The following ALMS1 variants were observed in gnomAD, a reference collection of about 807,000 sequenced individuals.
The protein encoded by ALMS1 is ALMS1 centrosome and basal body associated protein.
In ALMS1, 271 loss-of-function variants were observed where a neutral mutation model predicts 352.2. The ratio of observed to expected loss-of-function variants is 0.77; its 90% CI spans 0.70 to 0.85. The LOEUF is 0.85. Among genes scored for constraint, ALMS1 ranks in the 40% least tolerant of loss-of-function variants. ALMS1 has a pLI of 0.00. For missense variants in ALMS1, 5,445 were observed against 4,870.7 expected (o/e 1.12, Z -3.51); for synonymous variants, 1,865 against 1,761.2 (o/e 1.06, Z -1.48).
At chr2:73,505,708 A>T (rs1673307099) in intron 10 of ALMS1, among the ~76,000 whole-genome samples, 1 of 151,862 alleles carries the variant, frequency 6.6e-6, no homozygotes, top group Admixed American at 6.6e-5. Context: ...TTTCAGATGG[A>T]TAGACTGCAA....
At chr2:73,411,346 C>G (rs2103682517) in intron 2 of ALMS1, among the ~76,000 whole-genome samples, 1 of 152,156 alleles carries the variant, frequency 6.6e-6, no homozygotes, top group African/African-American at 2.4e-5. Context: ...GGAGCATGAC[C>G]CTGCCAACAC....
At chr2:73,550,886 G>T (rs556104381) in intron 13 of ALMS1, among the ~76,000 whole-genome samples, 111 of 151,942 alleles carry the variant, frequency 7.3e-4, no homozygotes, top group African/African-American at 2.5e-3. Flanking sequence ...CTGTCACCCA[G>T]GCTGGAGTGC....
At chr2:73,589,546 G>T (rs1245363600) in intron 16 of ALMS1, among the ~76,000 whole-genome samples, 3 of 152,110 alleles carry the variant, frequency 2.0e-5, no homozygotes, top group Non-Finnish European at 4.4e-5. Context: ...CAGGTTACAT[G>T]AGTTCTTACA....
intron 1 of ALMS1, among the ~76,000 whole-genome samples, chr2:73,406,436 G>GTTT (rs555343293): frequency 6.6e-5 from 8 of 122,050 alleles, no homozygotes; most frequent in African/African-American, 1.5e-4. Context: ...AATCCTATGG[G>GTTT]TTTTTTTTTT....
At chr2:73,389,387 G>T (rs938816095) in intron 1 of ALMS1, among the ~76,000 whole-genome samples, 2 of 152,048 alleles carry the variant, frequency 1.3e-5, no homozygotes, top group Non-Finnish European at 2.9e-5. Context: ...CCATCCTGTA[G>T]GTTGTCTGTT....
intron 16 of ALMS1, among the ~76,000 whole-genome samples, chr2:73,590,111 G>A (rs7603647): frequency 0.31 from 46,840 of 150,878 alleles, 9,065 homozygotes; most frequent in African/African-American, 0.55. Flanking sequence ...TTTAATTTCC[G>A]TGGGAAGAGA....
chr2:73,550,154 C>G, intron 12 of ALMS1, 113 bp from the exon 13 acceptor site: 1 of 1,123,570 alleles, frequency 8.9e-7, no homozygotes, highest in Non-Finnish European at 1.3e-6. Context: ...GCCATCGTGC[C>G]TGGCCTGTAG....
At chr2:73,417,465 T>C (rs1671200608) in intron 2 of ALMS1, among the ~76,000 whole-genome samples, 1 of 152,210 alleles carries the variant, frequency 6.6e-6, no homozygotes, top group East Asian at 1.9e-4. Flanking sequence ...TACTGATTAA[T>C]CTTAGTTGTG....
intron 10 of ALMS1, among the ~76,000 whole-genome samples, chr2:73,517,399 G>A (rs1199104020): frequency 4.0e-5 from 6 of 150,972 alleles, no homozygotes; most frequent in Non-Finnish European, 7.4e-5. Flanking sequence ...GACTATAGGC[G>A]CATGCCACTG....
intron 10 of ALMS1, among the ~76,000 whole-genome samples, chr2:73,514,684 C>T (rs527272649): frequency 1.3e-5 from 2 of 152,094 alleles, no homozygotes; most frequent in Non-Finnish European, 2.9e-5. Context: ...TCTAGCAGTT[C>T]TGTACTATGT....
intron 2 of ALMS1, among the ~76,000 whole-genome samples, chr2:73,410,531 T>C (rs535608522): frequency 1.6e-4 from 25 of 152,316 alleles, no homozygotes; most frequent in African/African-American, 5.8e-4. Context: ...TTACCTATCA[T>C]AGCTGGATTC....
At chr2:73,602,568 C>T (rs917333110) in intron 20 of ALMS1, among the ~76,000 whole-genome samples, 200 bp downstream of exon 20, 1 of 152,192 alleles carries the variant, frequency 6.6e-6, no homozygotes, top group African/African-American at 2.4e-5. Context: ...CAAGTAAGCC[C>T]AGTTACTCTA....
rs543597396 is a variant in ALMS1, at chr2:73,449,670, G to T, written c.3143G>T (p.Ser1048Ile). 47 of 1,613,924 alleles carry T rather than the reference G, an allele frequency of 2.9e-5. 2 individuals carry two copies. In the South Asian group the frequency reaches 4.6e-4, roughly 16 times the overall value. ...ACTGAGATACCAGCAGTACAGTCTA[G>T]TTCTTACCCACAGAGGGAGAAGCCT... The part of the protein sequence containing the change: ...QKTEIPAVQS[S>I]SYPQREKPSV... Residue 1048 changes from serine to isoleucine, a missense_variant, in exon 8 of 23, where the codon AGT (serine) becomes ATT (isoleucine). Ser to Ile is a moderately radical substitution (Grantham distance 142). Coordinates refer to ENST00000613296, the MANE Select transcript of ALMS1 (RefSeq NM_001378454.1).
intron 20 of ALMS1, 115 bp downstream of exon 20, chr2:73,602,483 C>G: frequency 7.7e-7 from 1 of 1,290,348 alleles, no homozygotes; most frequent in Admixed American, 1.9e-5. Context: ...CAGACAGTGA[C>G]CTTTTGCTTG....
At chr2:73,508,091 G>A (rs1558674253) in intron 10 of ALMS1, among the ~76,000 whole-genome samples, 2 of 151,302 alleles carry the variant, frequency 1.3e-5, no homozygotes, top group African/African-American at 2.4e-5. Flanking sequence ...GCGGTTTTGA[G>A]TTTTCTTTTC....
At chr2:73,420,262 G>T (rs1405710310) in intron 3 of ALMS1, among the ~76,000 whole-genome samples, 1 of 152,132 alleles carries the variant, frequency 6.6e-6, no homozygotes, top group Non-Finnish European at 1.5e-5. Context: ...CTTCTGGGAA[G>T]GCAATCCAGT....
chr2:73,487,498 A>G (rs1672876461), intron 9 of ALMS1, among the ~76,000 whole-genome samples: 1 of 152,198 alleles, frequency 6.6e-6, no homozygotes, highest in Non-Finnish European at 1.5e-5. Context: ...AAAACCCCAA[A>G]GAGGGTGTCA....
intron 10 of ALMS1, among the ~76,000 whole-genome samples, chr2:73,502,446 C>A (rs1022570988): frequency 6.6e-6 from 1 of 152,030 alleles, no homozygotes; most frequent in Non-Finnish European, 1.5e-5. Flanking sequence ...GAATATGATA[C>A]CAAAACAAGT....
At chr2:73,526,245 AGCTTTGTC>A (rs1673789207) in intron 11 of ALMS1, among the ~76,000 whole-genome samples, 1 of 152,058 alleles carries the variant, frequency 6.6e-6, no homozygotes, top group South Asian at 2.1e-4. Flanking sequence ...TGCTTAAGAT[AGCTTTGTC>A]TATTCTGGGT....
Sources: allele counts gnomAD v4.1 joint callset (sites outside exome capture counted in the v4.1 genomes callset), GRCh38; gene constraint gnomAD v4.1.1; transcripts MANE v1.5; gene names NCBI Gene and HGNC (gene_info 2026-07-23, HGNC 2026-07-21).